The following NOVA2 variants were observed in gnomAD, a reference collection of about 807,000 sequenced individuals.
The protein encoded by NOVA2 is RNA-binding protein Nova-2.
NOVA2 carries 9 observed loss-of-function variants against 22.5 expected under a neutral mutation model. The ratio of observed to expected loss-of-function variants is 0.40; its 90% CI spans 0.24 to 0.70. The LOEUF (loss-of-function observed/expected upper bound fraction) is 0.70. NOVA2 is among the 30% of genes least tolerant of loss of function. The pLI, the probability that NOVA2 is intolerant of heterozygous loss-of-function variation, is 0.38. For missense variants in NOVA2, 383 were observed against 682.8 expected (o/e 0.56, Z 4.89); for synonymous variants, 318 against 335.2 (o/e 0.95, Z 0.56).
intron 1 of NOVA2, among the ~76,000 whole-genome samples, chr19:45,971,172 C>G (rs1202222951): frequency 2.6e-5 from 4 of 152,186 alleles, no homozygotes; most frequent in African/African-American, 9.7e-5. Flanking sequence ...TAACCCATGT[C>G]TCAGAGTAGT....
rs1420940574 is a variant in NOVA2, at chr19:45,953,879, A to G, written c.297T>C (p.Ile99=). The G allele has an allele frequency of 4.3e-6, 7 of 1,614,206 alleles. No homozygotes were observed. The highest frequency in any genetic ancestry group is 5.1e-6 in the Non-Finnish European group (6 of 1,180,036). Residue 99 remains isoleucine (I), a synonymous_variant, in exon 3 of 4, where the codon ATT becomes ATC. Transcript: ENST00000263257. ...GTGGGATTTCTCGGACCTTCTCGGCAATAAAGCTGTGCACAGCATTCAAGG... is the reference window on the plus strand; with the variant it reads ...GTGGGATTTCTCGGACCTTCTCGGCGATAAAGCTGTGCACAGCATTCAAGG... The part of the protein sequence containing the change: ...AEALNAVHSF[I]AEKVREIPQA...
chr19:45,968,393 G>A (rs1473397831), intron 1 of NOVA2, among the ~76,000 whole-genome samples: 1 of 152,016 alleles, frequency 6.6e-6, no homozygotes, highest in Non-Finnish European at 1.5e-5. Flanking sequence ...GTGAATGGCG[G>A]TGTTGCCTAT....
intron 1 of NOVA2, chr19:45,967,956 A>G (rs1216536513): frequency 6.6e-6 from 1 of 152,070 alleles, no homozygotes; most frequent in Non-Finnish European, 1.5e-5. Flanking sequence ...AAAGAAAAAA[A>G]AAAAATCAGC....
In NOVA2 at chr19:45,941,097, C is replaced by G. The variant is rs1277925293; in HGVS notation, c.397-152G>C. 2.9e-5 allele frequency: 21 copies of G among 732,184 alleles called. No homozygotes were observed. The East Asian group carries it at 4.6e-4, about 16-fold the overall frequency. 45.4% of individuals were successfully genotyped at this position (732,184 alleles called of 1,614,324 possible). A position where few individuals can be genotyped will look rare whatever the true frequency, so the allele number is the denominator to read the frequency against. On this transcript the variant is annotated intron_variant, in intron 3 of 3. Coordinates refer to ENST00000263257, the MANE Select transcript of NOVA2 (RefSeq NM_002516.4). ...TTGAGGTCAGGAGTTCCAGACTAGC[C>G]TGGCCAACATGGTGAAACTCCGTCT...
At chr19:45,967,958 A>G (rs887898251) in intron 1 of NOVA2, 6 of 152,116 alleles carry the variant, frequency 3.9e-5, no homozygotes, top group African/African-American at 1.4e-4. Flanking sequence ...AGAAAAAAAA[A>G]AAATCAGCCA....
intron 1 of NOVA2, among the ~76,000 whole-genome samples, chr19:45,972,057 A>AT (rs1968239222): frequency 6.6e-6 from 1 of 151,772 alleles, no homozygotes; most frequent in Non-Finnish European, 1.5e-5. Flanking sequence ...AATCATCCCC[A>AT]TATCTCTGGT....
At chr19:45,941,206 C>T (rs1039957362) in intron 3 of NOVA2, among the ~76,000 whole-genome samples, 7 of 151,736 alleles carry the variant, frequency 4.6e-5, no homozygotes, top group African/African-American at 1.7e-4. Flanking sequence ...GCAGGAGAAT[C>T]GCTTGAACCC....
rs964063962 is a variant in NOVA2, at chr19:45,939,601, A to G, written c.*262T>C. On this transcript the variant is annotated 3_prime_UTR_variant, in exon 4 of 4. Coordinates refer to ENST00000263257, the MANE Select transcript of NOVA2 (RefSeq NM_002516.4). The stretch of plus-strand genomic sequence containing the variant: ...CACAGACCTGGGCCCTGGGACAGGA[A>G]GGGTCAGGCCCAGCCAAGCACAGGG... The G allele has an allele frequency of 2.8e-5, 14 of 508,750 alleles. No individual in the cohort carries two copies. The highest frequency in any genetic ancestry group is 4.2e-5 in the Non-Finnish European group (12 of 284,824). 31.5% of individuals were successfully genotyped at this position (508,750 alleles called of 1,614,324 possible).
chr19:45,939,069 A>G lies in NOVA2; in HGVS notation c.*794T>C, dbSNP rs960262415. The G allele has an allele frequency of 1.1e-4, 16 of 152,254 alleles. No individual in the cohort carries two copies. Among genetic ancestry groups the G allele is most frequent in the African/African-American group, 3.4e-4 (14 of 41,440 alleles). 9.4% of individuals were successfully genotyped at this position (152,254 alleles called of 1,614,324 possible). A position where few individuals can be genotyped will look rare whatever the true frequency, so the allele number is the denominator to read the frequency against. On this transcript the variant is annotated 3_prime_UTR_variant, in exon 4 of 4. Coordinates refer to ENST00000263257, the MANE Select transcript of NOVA2 (RefSeq NM_002516.4). ...CATCACAACAGAGACCCTCATTGCC[A>G]TTACTCTAAGCCATCAGAGATACCA...
At chr19:45,958,492 A>G (rs1407143872) in intron 2 of NOVA2, among the ~76,000 whole-genome samples, 1 of 146,594 alleles carries the variant, frequency 6.8e-6, no homozygotes, top group Non-Finnish European at 1.5e-5. Flanking sequence ...TGTGTGAATG[A>G]GTGTGAGTGT....
Position 45,938,130 on chromosome 19 carries a change from G to GA in NOVA2, c.*1732dup, listed in dbSNP as rs1405992368. On this transcript the variant is annotated 3_prime_UTR_variant, in exon 4 of 4. Coordinates refer to ENST00000263257, the MANE Select transcript of NOVA2 (RefSeq NM_002516.4). ...AAGTGGAGGTGGTCTCCAAGGAAGA[G>GA]AGGGAGATGGGTGGGGGTAGAGGGA... The GA allele has an allele frequency of 6.6e-6, 1 of 152,260 alleles. No individual in the cohort carries two copies. The highest frequency in any genetic ancestry group is 2.4e-5 in the African/African-American group (1 of 41,430). The allele number at this position is 152,260 out of a possible 1,614,324, so 9.4% of individuals were successfully genotyped here. A position where few individuals can be genotyped will look rare whatever the true frequency, so the allele number is the denominator to read the frequency against.
Position 45,953,940 on chromosome 19 carries a change from G to T in NOVA2, c.236C>A (p.Thr79Lys). The change falls in exon 3 of 4, where the codon ACA becomes AAA. Residue 79 changes from threonine to lysine, a missense_variant. By Grantham distance (78) the Thr-to-Lys change is moderately conservative. Coordinates refer to ENST00000263257, the MANE Select transcript of NOVA2 (RefSeq NM_002516.4). ...SKSKDFYPGT[T>K]ERVCLVQGTA... is the part of the protein sequence containing the mutation. ...GCCCTGTACTAGGCATACCCGCTCTGTGGTTCCTGTTGAGCAAGGGAGAGA... is the reference window on the plus strand; with the variant it reads ...GCCCTGTACTAGGCATACCCGCTCTTTGGTTCCTGTTGAGCAAGGGAGAGA... The T allele has an allele frequency of 6.2e-7, 1 of 1,614,090 alleles. No homozygotes were observed. The highest frequency in any genetic ancestry group is 8.5e-7 in the Non-Finnish European group (1 of 1,179,958).
chr19:45,951,214 C>A (rs531349164), intron 3 of NOVA2, among the ~76,000 whole-genome samples: 1 of 152,138 alleles, frequency 6.6e-6, no homozygotes, highest in Non-Finnish European at 1.5e-5. Flanking sequence ...CAATGGCTCA[C>A]GCCTGTAATC....
chr19:45,940,431 G>A lies in NOVA2; in HGVS notation c.911C>T (p.Ala304Val). ...NSLGLGLNSA[A>V]ASGVLAAVAA... is the part of the protein sequence containing the mutation. The stretch of plus-strand genomic sequence containing the variant: ...CACGGCGGCCAGGACGCCGGAAGCT[G>A]CGGCCGAGTTGAGGCCCAGGCCCAG... Residue 304 changes from alanine to valine, a missense_variant, in exon 4 of 4, where the codon GCA (alanine) becomes GTA (valine). This residue lies in a region of NOVA2 where 349 missense variants were observed against 578.1 expected (regional missense o/e 0.60). Coordinates refer to ENST00000263257, the MANE Select transcript of NOVA2 (RefSeq NM_002516.4). The A allele has an allele frequency of 6.7e-7, 1 of 1,502,424 alleles. No homozygotes were observed. The highest frequency in any genetic ancestry group is 1.2e-5 in the South Asian group (1 of 81,506). The allele number at this position is 1,502,424 out of a possible 1,614,324, so 93.1% of individuals were successfully genotyped here.
At chr19:45,958,068 C>T (rs1020610506) in intron 2 of NOVA2, among the ~76,000 whole-genome samples, 13 of 145,678 alleles carry the variant, frequency 8.9e-5, no homozygotes, top group African/African-American at 2.3e-4. Context: ...GCCGAGATCA[C>T]GCCACTGCAC....
intron 3 of NOVA2, among the ~76,000 whole-genome samples, chr19:45,946,506 G>A (rs1260191283): frequency 6.6e-6 from 1 of 152,104 alleles, no homozygotes; most frequent in African/African-American, 2.4e-5. Context: ...TTTGTTTTTA[G>A]GTGTGTTGAC....
intron 1 of NOVA2, among the ~76,000 whole-genome samples, chr19:45,962,834 G>A (rs113788173): frequency 9.9e-5 from 15 of 151,294 alleles, no homozygotes; most frequent in African/African-American, 3.7e-4. Flanking sequence ...TTTTCGTAGA[G>A]ACGGGGTTTC....
At position 45,938,016 on chromosome 19, in the gene NOVA2, A is replaced by AC. The variant is rs1967681763; in HGVS notation, c.*1846_*1847insG. Reference sequence around the variant, plus strand: ...TTTGGAAGACCTAGGAGGCGGACAAATGGGGGAGAGGGTGGGCATGGGGCG... The same window carrying AC: ...TTTGGAAGACCTAGGAGGCGGACAAACTGGGGGAGAGGGTGGGCATGGGGCG... On this transcript the variant is annotated 3_prime_UTR_variant, in exon 4 of 4. Coordinates refer to ENST00000263257, the MANE Select transcript of NOVA2 (RefSeq NM_002516.4). 6.6e-6 allele frequency: 1 copy of AC among 150,408 alleles called. No homozygotes were observed. The highest frequency in any genetic ancestry group is 1.5e-5 in the Non-Finnish European group (1 of 67,598). 9.3% of individuals were successfully genotyped at this position (150,408 alleles called of 1,614,324 possible).
chr19:45,963,243 G>C (rs1421200422), intron 1 of NOVA2, among the ~76,000 whole-genome samples: 1 of 151,888 alleles, frequency 6.6e-6, no homozygotes, highest in African/African-American at 2.4e-5. Flanking sequence ...GCCGGGTGTG[G>C]TGGCGCGTGC....
Sources: gnomAD v4.1 joint callset for allele counts (sites outside exome capture counted in the v4.1 genomes callset) on GRCh38, gnomAD v4.1.1 for gene constraint, gnomAD v4.1.1 regional missense constraint, MANE v1.5 for transcripts, NCBI Gene and HGNC (gene_info 2026-07-23, HGNC 2026-07-21) for gene names.